The following ANKS1A variants were observed in gnomAD, a reference collection of about 807,000 sequenced individuals.
The protein encoded by ANKS1A is ankyrin repeat and SAM domain-containing protein 1A.
In ANKS1A, 55 loss-of-function variants were observed where a neutral mutation model predicts 120.3. The ratio of observed to expected loss-of-function variants is 0.46; its 90% CI spans 0.37 to 0.57. The LOEUF (loss-of-function observed/expected upper bound fraction) is 0.57, where lower values mean the gene tolerates loss of function less well. ANKS1A is among the 20% of genes least tolerant of loss of function. ANKS1A has a pLI of 0.00. For synonymous variants in ANKS1A, 590 were observed against 604.7 expected (o/e 0.98, Z 0.36); for missense variants, 1,123 against 1,480.3 (o/e 0.76, Z 3.96).
Position 35,054,171 on chromosome 6 carries a change from G to A in ANKS1A, c.2077+6G>A, listed in dbSNP as rs775468804. ...GGAACGGCAGAAGATCTCAGGTACC[G>A]TACTAAGTGGCCATTTTCCCCACAG... On this transcript the variant is annotated splice_donor_region_variant and intron_variant, in intron 12 of 23. Transcript: ENST00000360359. The A allele has an allele frequency of 8.7e-6, 14 of 1,613,368 alleles. No individual in the cohort carries two copies. Among genetic ancestry groups the A allele is most frequent in the African/African-American group, 1.3e-5 (1 of 75,022 alleles).
At chr6:34,898,356 T>G (rs1415858653) in intron 1 of ANKS1A, among the ~76,000 whole-genome samples, 2 of 152,190 alleles carry the variant, frequency 1.3e-5, no homozygotes, top group Non-Finnish European at 2.9e-5. Flanking sequence ...GGGCCAGATA[T>G]GTTTTCAGGG....
intron 3 of ANKS1A, among the ~76,000 whole-genome samples, chr6:34,972,007 C>T (rs184107017): frequency 1.1e-4 from 16 of 152,326 alleles, no homozygotes; most frequent in Non-Finnish European, 1.8e-4. Context: ...GGTCATTTCT[C>T]TTCTCTGGAG....
rs377107997 is a variant in ANKS1A, at chr6:35,060,129, C to G, written c.2078-18C>G. 2.5e-6 allele frequency: 4 copies of G among 1,605,536 alleles called. No homozygotes were observed. The highest frequency in any genetic ancestry group is 3.4e-6 in the Non-Finnish European group (4 of 1,174,072). On this transcript the variant is annotated intron_variant, in intron 12 of 23. Coordinates refer to ENST00000360359, the MANE Select transcript of ANKS1A (RefSeq NM_015245.3). This position sits in a 1 kb window ranked among gnomAD's most constrained non-coding sequence, Gnocchi z 4.5. Reference sequence around the variant, plus strand: ...GGTTTTTCCCTTTTCAAGCGTCTGCCGATTCCTCTCTCATCAGGTTTACGG... The same window carrying G: ...GGTTTTTCCCTTTTCAAGCGTCTGCGGATTCCTCTCTCATCAGGTTTACGG...
chr6:34,953,036 A>C (rs190102999), intron 1 of ANKS1A, among the ~76,000 whole-genome samples: 3 of 152,188 alleles, frequency 2.0e-5, no homozygotes, highest in Non-Finnish European at 4.4e-5. Flanking sequence ...AGTTTCTGCC[A>C]CTTAAAAACA....
intron 11 of ANKS1A, among the ~76,000 whole-genome samples, chr6:35,042,153 T>A (rs1412281016): frequency 6.6e-6 from 1 of 152,234 alleles, no homozygotes; most frequent in Non-Finnish European, 1.5e-5. Flanking sequence ...TCTTTGGAAT[T>A]TAAGAAACAT....
At chr6:35,029,252 T>A (rs1176991620) in intron 11 of ANKS1A, among the ~76,000 whole-genome samples, 1 of 152,192 alleles carries the variant, frequency 6.6e-6, no homozygotes, top group East Asian at 1.9e-4. Context: ...TATGATATGA[T>A]TTGTCTTTTG....
At chr6:34,980,308 T>C (rs1172829080) in intron 3 of ANKS1A, among the ~76,000 whole-genome samples, 1 of 152,268 alleles carries the variant, frequency 6.6e-6, no homozygotes, top group Non-Finnish European at 1.5e-5. Flanking sequence ...CATTTATCTT[T>C]GCATGTGTCC....
At chr6:35,025,604 T>A (rs1279513437) in intron 11 of ANKS1A, among the ~76,000 whole-genome samples, 1 of 152,068 alleles carries the variant, frequency 6.6e-6, no homozygotes, top group Non-Finnish European at 1.5e-5. Flanking sequence ...CTCATCTGTT[T>A]CCCTCTTTCT....
chr6:34,908,110 TTTAG>T (rs1767729404), intron 1 of ANKS1A, among the ~76,000 whole-genome samples: 2 of 152,090 alleles, frequency 1.3e-5, no homozygotes, highest in African/African-American at 4.8e-5. Context: ...CCAGCCTCCT[TTTAG>T]TTACTCAGCC....
intron 2 of ANKS1A, 121 bp from the exon 3 acceptor site, chr6:34,969,889 T>TAG: frequency 8.4e-7 from 1 of 1,189,314 alleles, no homozygotes; most frequent in South Asian, 1.5e-5. Context: ...TGAGCTCAGG[T>TAG]AGAGACACAG....
chr6:34,983,398 A>T lies in ANKS1A; in HGVS notation c.985A>T (p.Met329Leu), dbSNP rs920945612. The T allele has an allele frequency of 8.1e-6, 13 of 1,613,634 alleles. No individual in the cohort carries two copies. In the African/African-American group the frequency reaches 1.7e-4, roughly 22 times the overall value. Reference protein sequence around the residue: ...PPPQPPLISSMDSISQKSQGD... With the variant: ...PPPQPPLISSLDSISQKSQGD... ...ACCCCAGCCACCTCTCATCTCCAGT[A>T]TGGACTCCATATCACAGAAGTCTCA... is the stretch of plus-strand genomic sequence containing the variant. The change falls in exon 7 of 24, where the codon ATG becomes TTG. Residue 329 changes from methionine (M) to leucine (L), a missense_variant. By Grantham distance (15) the Met-to-Leu change is conservative (BLOSUM62 2). Coordinates refer to ENST00000360359, the MANE Select transcript of ANKS1A (RefSeq NM_015245.3).
chr6:35,085,986 T>C lies in ANKS1A; in HGVS notation c.3303+50T>C. 1 of 1,540,382 alleles carries C rather than the reference T, an allele frequency of 6.5e-7. No homozygotes were observed. The highest frequency in any genetic ancestry group is 8.7e-7 in the Non-Finnish European group (1 of 1,149,768). Reference sequence around the variant, plus strand: ...TCCCCCTCTCCCTGGCCCCAGGGATTCAAGGGCTCAGGGTGGTCAGCGTGA... The same window carrying C: ...TCCCCCTCTCCCTGGCCCCAGGGATCCAAGGGCTCAGGGTGGTCAGCGTGA... On this transcript the variant is annotated intron_variant, in intron 22 of 23. Transcript: ENST00000360359. The surrounding 1 kb of genome is among the most constrained non-coding windows in gnomAD (Gnocchi z 4.7).
At chr6:35,064,782 C>G (rs887515238) in intron 13 of ANKS1A, among the ~76,000 whole-genome samples, 12 of 152,216 alleles carry the variant, frequency 7.9e-5, no homozygotes, top group African/African-American at 2.9e-4. Context: ...AAGAGGCCCT[C>G]TCCCCAGCCC....
intron 3 of ANKS1A, 59 bp downstream of exon 3, chr6:34,970,225 C>T (rs1771111692): frequency 1.3e-6 from 2 of 1,534,042 alleles, no homozygotes; most frequent in Non-Finnish European, 8.8e-7. Flanking sequence ...GTGGCAACCC[C>T]ATCACCATCT....
intron 11 of ANKS1A, among the ~76,000 whole-genome samples, chr6:35,051,860 G>A (rs1775987950): frequency 6.6e-6 from 1 of 152,238 alleles, no homozygotes; most frequent in South Asian, 2.1e-4. Flanking sequence ...TTACTGGACT[G>A]GAGCACTCAG....
In ANKS1A at chr6:35,085,635, A is replaced by C; in HGVS notation, c.3133-131A>C. The C allele has an allele frequency of 1.2e-6, 1 of 803,900 alleles. No individual in the cohort carries two copies. 49.8% of individuals were successfully genotyped at this position (803,900 alleles called of 1,614,324 possible). A position where few individuals can be genotyped will look rare whatever the true frequency, so the allele number is the denominator to read the frequency against. ...GAAGAGTAAAGGAGGGAAAGGAGGG[A>C]AGAGTGGAAGGAGGTAGGAGCGCTC... On this transcript the variant is annotated intron_variant, in intron 21 of 23. Coordinates refer to ENST00000360359, the MANE Select transcript of ANKS1A (RefSeq NM_015245.3). The surrounding 1 kb of genome is among the most constrained non-coding windows in gnomAD (Gnocchi z 4.7).
In ANKS1A at chr6:35,062,444, A is replaced by G. The variant is rs550998023; in HGVS notation, c.2184+2191A>G. Reference sequence around the variant, plus strand: ...TTCCCTCATTGCATGTGGATAACTTACATTGCATTAGCTACAGTGGATCCC... The same window carrying G: ...TTCCCTCATTGCATGTGGATAACTTGCATTGCATTAGCTACAGTGGATCCC... On this transcript the variant is annotated intron_variant, in intron 13 of 23. Coordinates refer to ENST00000360359, the MANE Select transcript of ANKS1A (RefSeq NM_015245.3). Among the ~76,000 whole-genome samples, 5 of 152,366 alleles carry G rather than the reference A, an allele frequency of 3.3e-5. No homozygotes were observed. The South Asian group carries it at 1.0e-3, about 32-fold the overall frequency.
chr6:34,931,529 G>T (rs1489952567), intron 1 of ANKS1A, among the ~76,000 whole-genome samples: 1 of 152,088 alleles, frequency 6.6e-6, no homozygotes, highest in Non-Finnish European at 1.5e-5. Flanking sequence ...TTGCATAGAG[G>T]ACCCCTACTC....
chr6:35,060,630 G>C lies in ANKS1A; in HGVS notation c.2184+377G>C, dbSNP rs542013998. 6.6e-6 allele frequency among the ~76,000 whole-genome samples: 1 copy of C among 152,312 alleles called. No individual in the cohort carries two copies. The highest frequency in any genetic ancestry group is 2.1e-4 in the South Asian group (1 of 4,828). ...AGTTGTCACTGAAGCAAGGAGCCTT[G>C]CCTCCAGCAGAAAGACCCCTTCCCT... On this transcript the variant is annotated intron_variant, in intron 13 of 23. Coordinates refer to ENST00000360359, the MANE Select transcript of ANKS1A (RefSeq NM_015245.3). This position sits in a 1 kb window ranked among gnomAD's most constrained non-coding sequence, Gnocchi z 4.5.
Sources: allele counts gnomAD v4.1 joint callset (sites outside exome capture counted in the v4.1 genomes callset), GRCh38; gene constraint gnomAD v4.1.1; non-coding constraint Gnocchi (gnomAD v3.1); transcripts MANE v1.5; gene names NCBI Gene and HGNC (gene_info 2026-07-23, HGNC 2026-07-21).